ADGRL3: variants seen among roughly 807,000 people sequenced by gnomAD.
ADGRL3 encodes the protein calcium-independent alpha-latrotoxin receptor 3.
In ADGRL3, 62 loss-of-function variants were observed where a neutral mutation model predicts 153.5. The ratio of observed to expected loss-of-function variants is 0.40; its 90% CI spans 0.33 to 0.50. The LOEUF is 0.50. ADGRL3 is among the 20% of genes least tolerant of loss of function. ADGRL3 has a pLI of 0.47. For synonymous variants in ADGRL3, 710 were observed against 672.5 expected (o/e 1.06, Z -0.86); for missense variants, 1,641 against 1,859.4 (o/e 0.88, Z 2.16).
intron 13 of ADGRL3, among the ~76,000 whole-genome samples, chr4:61,922,010 C>A (rs1052566754): frequency 3.3e-5 from 5 of 152,152 alleles, no homozygotes. Flanking sequence ...TAATGGAATA[C>A]TTCCTAGCCA....
intron 2 of ADGRL3, among the ~76,000 whole-genome samples, chr4:61,415,756 TA>T (rs1462892039): frequency 2.6e-5 from 4 of 152,116 alleles, no homozygotes; most frequent in Non-Finnish European, 4.4e-5. Context: ...TTATTTAAAC[TA>T]AATTATCTTT....
chr4:61,708,173 T>C (rs2095888376), intron 6 of ADGRL3, among the ~76,000 whole-genome samples: 1 of 152,158 alleles, frequency 6.6e-6, no homozygotes, highest in Admixed American at 6.5e-5. Context: ...AAAAGTATCA[T>C]GTGAATTTAT....
chr4:61,769,389 G>A (rs559258197), intron 8 of ADGRL3, among the ~76,000 whole-genome samples: 10 of 152,174 alleles, frequency 6.6e-5, no homozygotes, highest in Admixed American at 2.6e-4. Context: ...AAAAGAGGCC[G>A]CTTACCGGAT....
chr4:61,277,769 A>T (rs1307893311), intron 1 of ADGRL3, among the ~76,000 whole-genome samples: 1 of 152,202 alleles, frequency 6.6e-6, no homozygotes, highest in East Asian at 1.9e-4. Context: ...TGTTGTGAGG[A>T]TCAAATAAAT....
At chr4:62,014,874 A>C (rs2099204378) in intron 21 of ADGRL3, among the ~76,000 whole-genome samples, 1 of 152,140 alleles carries the variant, frequency 6.6e-6, no homozygotes. Flanking sequence ...CCCCAATTCC[A>C]AGCAAATACC....
rs1226895876 is a variant in ADGRL3, at chr4:61,322,010, A to G, written c.-239-61114A>G. Among the ~76,000 whole-genome samples the G allele has an allele frequency of 2.6e-5, 4 of 152,316 alleles. No individual in the cohort carries two copies. In the East Asian group the frequency reaches 7.7e-4, roughly 29 times the overall value. ...CACTGCTGATAAAGACATACCTGAG[A>G]CTGGGCAATTTACAAAAGAAAAAGG... On this transcript the variant is annotated intron_variant, in intron 1 of 26. Coordinates refer to ENST00000683033, the MANE Select transcript of ADGRL3 (RefSeq NM_001387552.1).
intron 5 of ADGRL3, among the ~76,000 whole-genome samples, chr4:61,623,704 A>G (rs2092670137): frequency 6.6e-6 from 1 of 152,158 alleles, no homozygotes; most frequent in South Asian, 2.1e-4. Flanking sequence ...ACTAGGCTAT[A>G]GGGAGTCTCT....
chr4:61,294,424 G>T (rs2094333432), intron 1 of ADGRL3, among the ~76,000 whole-genome samples: 1 of 152,108 alleles, frequency 6.6e-6, no homozygotes, highest in Non-Finnish European at 1.5e-5. Context: ...CTAAGCTATG[G>T]TGTTCTGGTG....
rs914904763 is a variant in ADGRL3, at chr4:62,076,134, C to T, written c.*5226C>T. On this transcript the variant is annotated 3_prime_UTR_variant, in exon 27 of 27. Transcript: ENST00000683033. The stretch of plus-strand genomic sequence containing the variant: ...TAGTTAATATAGTTTCGCATAATCT[C>T]ATTGAAAGATATTGCTATTCCTTCT... 6.6e-6 allele frequency: 1 copy of T among 152,022 alleles called. No homozygotes were observed. The highest frequency in any genetic ancestry group is 1.5e-5 in the Non-Finnish European group (1 of 67,974). 9.4% of individuals were successfully genotyped at this position (152,022 alleles called of 1,614,324 possible). A position where few individuals can be genotyped will look rare whatever the true frequency, so the allele number is the denominator to read the frequency against.
rs1251820190 is a variant in ADGRL3 at position 62,075,677 on chromosome 4, C to A, written c.*4769C>A. 6.6e-6 allele frequency: 1 copy of A among 152,084 alleles called. No homozygotes were observed. Among genetic ancestry groups the A allele is most frequent in the Non-Finnish European group, 1.5e-5 (1 of 68,016 alleles). The allele number at this position is 152,084 out of a possible 1,614,324, so 9.4% of individuals were successfully genotyped here. A position where few individuals can be genotyped will look rare whatever the true frequency, so the allele number is the denominator to read the frequency against. ...TAGCTTATATTAGATTTCTGCACAT[C>A]ATTAAATTACGAAGATGGCACAAAA... On this transcript the variant is annotated 3_prime_UTR_variant, in exon 27 of 27. Coordinates refer to ENST00000683033, the MANE Select transcript of ADGRL3 (RefSeq NM_001387552.1).
chr4:61,845,638 T>C (rs2098108041), intron 9 of ADGRL3, among the ~76,000 whole-genome samples: 1 of 151,660 alleles, frequency 6.6e-6, no homozygotes, highest in African/African-American at 2.4e-5. Flanking sequence ...AGTGCTGAGA[T>C]TATAGGTGTA....
intron 8 of ADGRL3, among the ~76,000 whole-genome samples, chr4:61,754,013 T>G (rs1310442488): frequency 6.6e-6 from 1 of 152,202 alleles, no homozygotes; most frequent in Non-Finnish European, 1.5e-5. Context: ...ATTTGGAGGT[T>G]CCTGAGCCTG....
At chr4:61,299,164 C>T (rs1405399437) in intron 1 of ADGRL3, among the ~76,000 whole-genome samples, 1 of 152,094 alleles carries the variant, frequency 6.6e-6, no homozygotes, top group Non-Finnish European at 1.5e-5. Context: ...TCTTCCCCCC[C>T]TTTTCTGTGA....
chr4:61,708,938 T>C (rs1010478297), intron 6 of ADGRL3, among the ~76,000 whole-genome samples: 2 of 152,004 alleles, frequency 1.3e-5, no homozygotes, highest in Non-Finnish European at 2.9e-5. Context: ...GCCTCCCCAG[T>C]AGCTGGGACT....
intron 13 of ADGRL3, among the ~76,000 whole-genome samples, chr4:61,926,124 G>T (rs768573709): frequency 6.6e-6 from 1 of 152,044 alleles, no homozygotes; most frequent in African/African-American, 2.4e-5. Context: ...TCTAAACATA[G>T]AAAAGATACA....
At chr4:61,532,026 T>C (rs1205391587) in intron 4 of ADGRL3, among the ~76,000 whole-genome samples, 1 of 152,214 alleles carries the variant, frequency 6.6e-6, no homozygotes, top group Non-Finnish European at 1.5e-5. Flanking sequence ...TTTGATATCA[T>C]TCAATCTGTT....
chr4:61,243,955 A>G (rs1445252129), intron 1 of ADGRL3, among the ~76,000 whole-genome samples: 1 of 152,062 alleles, frequency 6.6e-6, no homozygotes, highest in Non-Finnish European at 1.5e-5. Context: ...CTATCCTTAG[A>G]TTTAAGAAAC....
chr4:61,539,280 A>G (rs1335591831), intron 4 of ADGRL3, among the ~76,000 whole-genome samples: 1 of 152,210 alleles, frequency 6.6e-6, no homozygotes, highest in Non-Finnish European at 1.5e-5. Context: ...GCCAGCCCCC[A>G]GTGAGGAGAG....
intron 1 of ADGRL3, among the ~76,000 whole-genome samples, chr4:61,339,974 T>C (rs956931041): frequency 2.0e-5 from 3 of 152,238 alleles, no homozygotes; most frequent in Middle Eastern, 3.4e-3. Flanking sequence ...AAAACAACAT[T>C]ATTGGGATCC....
Sources: gnomAD v4.1 joint callset for allele counts (sites outside exome capture counted in the v4.1 genomes callset) on GRCh38, gnomAD v4.1.1 for gene constraint, MANE v1.5 for transcripts, NCBI Gene and HGNC (gene_info 2026-07-23, HGNC 2026-07-21) for gene names.